PTPRD: variants seen among roughly 807,000 people sequenced by gnomAD.
The protein encoded by PTPRD is receptor-type tyrosine-protein phosphatase delta.
A neutral mutation model predicts 214.5 loss-of-function variants in PTPRD; 34 were observed. The observed-to-expected ratio is 0.16, with a 90% CI of 0.12 to 0.21. PTPRD has a LOEUF of 0.21. PTPRD is among the 10% of genes least tolerant of loss of function. The pLI is 1.00. For synonymous variants in PTPRD, 1,128 were observed against 845.7 expected (o/e 1.33, Z -5.79); for missense variants, 2,545 against 2,398.7 (o/e 1.06, Z -1.27).
intron 4 of PTPRD, among the ~76,000 whole-genome samples, chr9:9,978,538 A>C (rs1185319323): frequency 6.6e-6 from 1 of 152,122 alleles, no homozygotes; most frequent in Non-Finnish European, 1.5e-5. Flanking sequence ...TTAAAAAATA[A>C]ATAAAAAAGC....
At chr9:10,364,585 G>C (rs895883979) in intron 2 of PTPRD, among the ~76,000 whole-genome samples, 4 of 151,222 alleles carry the variant, frequency 2.6e-5, no homozygotes, top group Non-Finnish European at 5.9e-5. Flanking sequence ...TCAAAGAGTT[G>C]AAATATTCTA....
chr9:9,395,904 G>A (rs936046306), intron 9 of PTPRD, among the ~76,000 whole-genome samples: 1 of 151,920 alleles, frequency 6.6e-6, no homozygotes, highest in African/African-American at 2.4e-5. Context: ...TTTTGTAATC[G>A]GACTATTGCA....
At chr9:10,398,710 GATA>G (rs1171218288) in intron 2 of PTPRD, among the ~76,000 whole-genome samples, 1 of 151,900 alleles carries the variant, frequency 6.6e-6, no homozygotes, top group Non-Finnish European at 1.5e-5. Flanking sequence ...TAGTAGTCGT[GATA>G]ATAATGATGA....
chr9:9,909,097 G>C (rs930186649), intron 5 of PTPRD, among the ~76,000 whole-genome samples: 30 of 151,780 alleles, frequency 2.0e-4, no homozygotes, highest in Non-Finnish European at 3.1e-4. Flanking sequence ...ACTGAGCTCA[G>C]AATTTCCTTT....
chr9:8,464,483 T>A (rs2096497968), intron 32 of PTPRD, among the ~76,000 whole-genome samples: 2 of 151,930 alleles, frequency 1.3e-5, no homozygotes, highest in African/African-American at 4.8e-5. Flanking sequence ...CACGGGGGAA[T>A]TCTTTCAGTC....
At chr9:8,990,378 C>T (rs146831539) in intron 11 of PTPRD, among the ~76,000 whole-genome samples, 47 of 152,238 alleles carry the variant, frequency 3.1e-4, no homozygotes, top group Admixed American at 1.0e-3. Flanking sequence ...TCTGCTTGTA[C>T]CGAACATGTA....
At chr9:8,794,323 G>A (rs1600000220) in intron 11 of PTPRD, among the ~76,000 whole-genome samples, 11 of 152,090 alleles carry the variant, frequency 7.2e-5, no homozygotes, top group Admixed American at 7.2e-4. Flanking sequence ...AGAGGATATG[G>A]AAATAAAATA....
intron 3 of PTPRD, among the ~76,000 whole-genome samples, chr9:10,145,273 G>T (rs533496129): frequency 1.1e-3 from 161 of 152,084 alleles, no homozygotes; most frequent in African/African-American, 3.7e-3. Context: ...GCATGTGTTT[G>T]TTTGTATTGT....
chr9:10,224,051 T>A (rs2099580628), intron 3 of PTPRD, among the ~76,000 whole-genome samples: 1 of 151,886 alleles, frequency 6.6e-6, no homozygotes, highest in Non-Finnish European at 1.5e-5. Context: ...AAAACAACAA[T>A]AAGTGACAAA....
chr9:9,143,290 A>G (rs1380625279), intron 10 of PTPRD, among the ~76,000 whole-genome samples: 3 of 152,200 alleles, frequency 2.0e-5, no homozygotes, highest in African/African-American at 4.8e-5. Flanking sequence ...AAATGAAATT[A>G]CTTGCTTAAA....
intron 8 of PTPRD, among the ~76,000 whole-genome samples, chr9:9,490,458 A>G (rs2095848843): frequency 1.3e-5 from 2 of 152,102 alleles, no homozygotes; most frequent in Non-Finnish European, 2.9e-5. Context: ...AAAAGCTAGT[A>G]TTGTAACTTT....
chr9:9,314,360 G>C (rs1191927264), intron 9 of PTPRD, among the ~76,000 whole-genome samples: 2 of 152,038 alleles, frequency 1.3e-5, no homozygotes, highest in African/African-American at 2.4e-5. Flanking sequence ...CATGTAATGA[G>C]GTAGTATATA....
rs185594748 is a variant in PTPRD at position 9,454,543 on chromosome 9, C to G, written c.-236-57061G>C. 4.4e-3 allele frequency among the ~76,000 whole-genome samples: 673 copies of G among 151,694 alleles called. 7 individuals are homozygous for G. Among genetic ancestry groups the G allele is most frequent in the Middle Eastern group, 0.027 (8 of 294 alleles). ...CTACTGATCAGAAATTCAAGTGTTC[C>G]CATTAGTTCAGTAAGAATTTTCAAG... On this transcript the variant is annotated intron_variant, in intron 8 of 45. Coordinates refer to ENST00000381196, the MANE Select transcript of PTPRD (RefSeq NM_002839.4).
chr9:8,739,749 T>C (rs112684387), intron 11 of PTPRD, among the ~76,000 whole-genome samples: 9,123 of 152,262 alleles, frequency 0.06, 716 homozygotes, highest in African/African-American at 0.18. Context: ...AAATCTCATC[T>C]TGAATTCTCA....
At chr9:10,267,976 A>T (rs2094177252) in intron 3 of PTPRD, among the ~76,000 whole-genome samples, 1 of 152,126 alleles carries the variant, frequency 6.6e-6, no homozygotes, top group Non-Finnish European at 1.5e-5. Context: ...CTAAAAAAAT[A>T]TGCTAAAAAA....
intron 11 of PTPRD, among the ~76,000 whole-genome samples, chr9:8,776,329 T>C (rs2095472175): frequency 6.6e-6 from 1 of 152,046 alleles, no homozygotes; most frequent in Non-Finnish European, 1.5e-5. Context: ...TGAGACAGGG[T>C]CTTACTCACA....
intron 12 of PTPRD, among the ~76,000 whole-genome samples, chr9:8,668,788 T>G (rs2097218809): frequency 6.6e-6 from 1 of 152,190 alleles, no homozygotes; most frequent in East Asian, 1.9e-4. Context: ...ATTTTCTTAG[T>G]CTCAAAATTG....
At chr9:8,709,331 A>G (rs1251972913) in intron 12 of PTPRD, among the ~76,000 whole-genome samples, 2 of 151,786 alleles carry the variant, frequency 1.3e-5, no homozygotes, top group African/African-American at 2.4e-5. Flanking sequence ...TGGCTAACAC[A>G]GTGAAACCCT....
At chr9:8,893,471 C>A (rs929190215) in intron 11 of PTPRD, among the ~76,000 whole-genome samples, 2 of 152,190 alleles carry the variant, frequency 1.3e-5, no homozygotes, top group East Asian at 3.9e-4. Flanking sequence ...TTCCAGTAAT[C>A]AGAGAAACAC....
Sources: gnomAD v4.1 joint callset for allele counts (sites outside exome capture counted in the v4.1 genomes callset) on GRCh38, gnomAD v4.1.1 for gene constraint, MANE v1.5 for transcripts, NCBI Gene and HGNC (gene_info 2026-07-23, HGNC 2026-07-21) for gene names.